Variants in ACTR2 observed in about 807,000 individuals in gnomAD.
ACTR2 encodes the protein actin-related protein 2.
A neutral mutation model predicts 50.2 loss-of-function variants in ACTR2; 5 were observed. That is an observed-to-expected ratio of 0.10 (90% CI 0.05 to 0.21). The LOEUF (loss-of-function observed/expected upper bound fraction) is 0.21, where lower values mean the gene tolerates loss of function less well. ACTR2 is among the 10% of genes least tolerant of loss of function. The probability of loss-of-function intolerance (pLI) is 1.00; values close to 1 mark genes in which losing one functional copy is unlikely to be tolerated. For synonymous variants in ACTR2, 140 were observed against 162.9 expected, an observed-to-expected ratio of 0.86 and a Z score of 1.07; for missense variants, 180 against 480.6, an observed-to-expected ratio of 0.37 and a Z score of 5.85.
chr2:65,267,758 A>G lies in ACTR2; in HGVS notation c.1015-806A>G, dbSNP rs186765008. On this transcript the variant is annotated intron_variant, in intron 8 of 8. Coordinates refer to ENST00000260641, the MANE Select transcript of ACTR2 (RefSeq NM_005722.4). ...GAACATTTCATTTGATTTTGAGACAATAGAAAGTAAGCTTTGCTTAAAAGA... is the reference window on the plus strand; with the variant it reads ...GAACATTTCATTTGATTTTGAGACAGTAGAAAGTAAGCTTTGCTTAAAAGA... 2.6e-5 allele frequency among the ~76,000 whole-genome samples: 4 copies of G among 152,152 alleles called. No homozygotes were observed. In the East Asian group the frequency reaches 7.7e-4, roughly 29 times the overall value.
intron 3 of ACTR2, among the ~76,000 whole-genome samples, chr2:65,247,492 G>A (rs1671961625): frequency 6.6e-6 from 1 of 152,188 alleles, no homozygotes; most frequent in Non-Finnish European, 1.5e-5. Context: ...GGAGGCTGAG[G>A]CAGGAGAATG....
intron 6 of ACTR2, among the ~76,000 whole-genome samples, chr2:65,256,553 T>C (rs1263415560): frequency 6.6e-6 from 1 of 152,106 alleles, no homozygotes; most frequent in Non-Finnish European, 1.5e-5. Context: ...ATATGCAAAA[T>C]AGTCATTTTT....
At chr2:65,260,138 G>A (rs948475282) in intron 6 of ACTR2, among the ~76,000 whole-genome samples, 6 of 152,114 alleles carry the variant, frequency 3.9e-5, no homozygotes, top group African/African-American at 1.2e-4. Context: ...TGATAGAAGT[G>A]GTACACATGT....
chr2:65,229,717 C>G (rs2103976390), intron 1 of ACTR2, among the ~76,000 whole-genome samples: 1 of 144,668 alleles, frequency 6.9e-6, no homozygotes, highest in Non-Finnish European at 1.5e-5. Flanking sequence ...GATCGCACCA[C>G]TCCAGCCTGG....
At chr2:65,255,159 G>T (rs935255159) in intron 5 of ACTR2, among the ~76,000 whole-genome samples, 1 of 152,120 alleles carries the variant, frequency 6.6e-6, no homozygotes, top group Non-Finnish European at 1.5e-5. Context: ...AGACTTGGGG[G>T]CATTTCATAA....
intron 3 of ACTR2, among the ~76,000 whole-genome samples, chr2:65,247,730 CAG>C (rs1264318400): frequency 1.3e-5 from 2 of 152,044 alleles, no homozygotes; most frequent in Non-Finnish European, 2.9e-5. Flanking sequence ...GTGGCAGAGA[CAG>C]AAGAGGTGCA....
rs765126809 is a variant in ACTR2 at position 65,255,692 on chromosome 2, A to G, written c.733A>G (p.Thr245Ala). 2.5e-6 allele frequency: 4 copies of G among 1,612,858 alleles called. No homozygotes were observed. The highest frequency in any genetic ancestry group is 3.4e-6 in the Non-Finnish European group (4 of 1,179,082). The part of the protein sequence containing the change: ...LETTVLVESY[T>A]LPDGRIIKVG... Reference sequence around the variant, plus strand: ...AACCACAGTATTAGTTGAATCTTATACAGTAAGTGTTTCCAGTGTATAATA... The same window carrying G: ...AACCACAGTATTAGTTGAATCTTATGCAGTAAGTGTTTCCAGTGTATAATA... Residue 245 changes from threonine to alanine, a missense_variant and splice_region_variant, in exon 6 of 9, where the codon ACA becomes GCA. Thr to Ala is a moderately conservative substitution (Grantham distance 58). Coordinates refer to ENST00000260641, the MANE Select transcript of ACTR2 (RefSeq NM_005722.4).
intron 8 of ACTR2, among the ~76,000 whole-genome samples, chr2:65,268,359 G>A (rs1288484687): frequency 2.0e-5 from 3 of 152,156 alleles, no homozygotes; most frequent in African/African-American, 7.2e-5. Context: ...TTCCAAGCAT[G>A]CTGGGATGGA....
At chr2:65,260,640 ATGCTTG>A (rs951822510) in intron 6 of ACTR2, among the ~76,000 whole-genome samples, 1 of 151,928 alleles carries the variant, frequency 6.6e-6, no homozygotes, top group African/African-American at 2.4e-5. Context: ...TTGGTCAGTG[ATGCTTG>A]TTTCTGCTTT....
chr2:65,255,497 G>T (rs1197429199), intron 5 of ACTR2, 48 bp from the exon 6 acceptor site: 4 of 1,552,986 alleles, frequency 2.6e-6, no homozygotes, highest in South Asian at 2.4e-5. Context: ...TTGCAGAGTA[G>T]AACTCATTCA....
intron 3 of ACTR2, 65 bp downstream of exon 3, chr2:65,246,804 C>T (rs199719691): frequency 2.4e-4 from 60 of 246,010 alleles, no homozygotes; most frequent in Non-Finnish European, 3.5e-4. Context: ...CAAAAATTTT[C>T]TTACTGTTGC....
chr2:65,259,130 A>G (rs1672212617), intron 6 of ACTR2, among the ~76,000 whole-genome samples: 1 of 152,146 alleles, frequency 6.6e-6, no homozygotes. Context: ...AATCTAAACA[A>G]TCATTGTAAT....
intron 6 of ACTR2, among the ~76,000 whole-genome samples, chr2:65,258,448 C>T (rs1292719689): frequency 5.3e-5 from 8 of 152,006 alleles, no homozygotes; most frequent in South Asian, 2.1e-4. Context: ...CGTAGTGGCA[C>T]GTGCCTGTAG....
rs373241239 is a variant in ACTR2 at position 65,265,202 on chromosome 2, T to C, written c.1014+27T>C. The C allele has an allele frequency of 3.1e-6, 5 of 1,612,910 alleles. No homozygotes were observed. The African/African-American group carries it at 6.7e-5, about 22-fold the overall frequency. The stretch of plus-strand genomic sequence containing the variant: ...TAAGTATTAGTAAATCAACTATTAC[T>C]AACATTCTTTTAAAAGGCTATACAG... On this transcript the variant is annotated intron_variant, in intron 8 of 8. Coordinates refer to ENST00000260641, the MANE Select transcript of ACTR2 (RefSeq NM_005722.4).
chr2:65,252,862 G>A (rs1672079985), intron 4 of ACTR2, among the ~76,000 whole-genome samples: 1 of 152,166 alleles, frequency 6.6e-6, no homozygotes, highest in African/African-American at 2.4e-5. Context: ...AGCCACTTGA[G>A]AGGCTGAGGT....
chr2:65,230,575 T>G (rs1357772876), intron 1 of ACTR2, among the ~76,000 whole-genome samples: 1 of 151,662 alleles, frequency 6.6e-6, no homozygotes, highest in Non-Finnish European at 1.5e-5. Context: ...CCACACCCAG[T>G]TAATTTTTTT....
intron 7 of ACTR2, among the ~76,000 whole-genome samples, chr2:65,261,630 G>GT (rs1423842902): frequency 2.6e-5 from 4 of 152,040 alleles, no homozygotes; most frequent in African/African-American, 7.2e-5. Flanking sequence ...TTTTCATTCT[G>GT]TTTTTTCTGA....
rs1455356451 is a variant in ACTR2, at chr2:65,270,788, T to C, written c.*2054T>C. ...GGTGCATTATGTATATATATTATAA[T>C]TTAGAAATACCATTTTATAATTTTA... On this transcript the variant is annotated 3_prime_UTR_variant, in exon 9 of 9. Coordinates refer to ENST00000260641, the MANE Select transcript of ACTR2 (RefSeq NM_005722.4). The C allele has an allele frequency of 2.0e-5, 3 of 152,162 alleles. No homozygotes were observed. Among genetic ancestry groups the C allele is most frequent in the African/African-American group, 7.2e-5 (3 of 41,450 alleles). The allele number at this position is 152,162 out of a possible 1,614,324, so 9.4% of individuals were successfully genotyped here.
chr2:65,251,608 G>A (rs1338953915), intron 4 of ACTR2, among the ~76,000 whole-genome samples: 11 of 152,128 alleles, frequency 7.2e-5, no homozygotes, highest in South Asian at 2.1e-4. Context: ...TAGTCCGCCC[G>A]CCTCAGCCTC....
Sources: allele counts gnomAD v4.1 joint callset (sites outside exome capture counted in the v4.1 genomes callset), GRCh38; gene constraint gnomAD v4.1.1; transcripts MANE v1.5; gene names NCBI Gene and HGNC (gene_info 2026-07-23, HGNC 2026-07-21).